OLFM2: variants seen among roughly 807,000 people sequenced by gnomAD.
OLFM2 encodes the protein noelin-2.
OLFM2 carries 20 observed loss-of-function variants against 43.9 expected under a neutral mutation model. The ratio of observed to expected loss-of-function variants is 0.46; its 90% confidence interval spans 0.32 to 0.66. The LOEUF (loss-of-function observed/expected upper bound fraction) is 0.66. Among genes scored for constraint, OLFM2 ranks in the 30% least tolerant of loss-of-function variants. The pLI is 0.04. For synonymous variants in OLFM2, 268 were observed against 278.6 expected, an observed-to-expected ratio of 0.96 and a Z score of 0.38; for missense variants, 416 against 643.6, an observed-to-expected ratio of 0.65 and a Z score of 3.83.
chr19:9,871,633 G>A (rs1170653896), intron 1 of OLFM2, among the ~76,000 whole-genome samples: 1 of 151,190 alleles, frequency 6.6e-6, no homozygotes, highest in Non-Finnish European at 1.5e-5. Context: ...GATGTAGCTG[G>A]AATTCGAACA....
At chr19:9,858,689 C>T (rs2046343209) in intron 2 of OLFM2, among the ~76,000 whole-genome samples, 1 of 152,222 alleles carries the variant, frequency 6.6e-6, no homozygotes, top group Non-Finnish European at 1.5e-5. Context: ...GCTCCCACCT[C>T]CACCTGGCTA....
intron 1 of OLFM2, among the ~76,000 whole-genome samples, chr19:9,895,667 G>A (rs533087555): frequency 5.0e-4 from 76 of 151,856 alleles, no homozygotes; most frequent in Admixed American, 9.2e-4. Context: ...ACCGAGTCTC[G>A]CTCTGTCGTC....
At chr19:9,902,822 C>T (rs961851358) in intron 1 of OLFM2, among the ~76,000 whole-genome samples, 3 of 152,090 alleles carry the variant, frequency 2.0e-5, no homozygotes, top group African/African-American at 7.2e-5. Flanking sequence ...TAAAGGCATG[C>T]ACCACCATGC....
At chr19:9,874,066 A>G (rs2046465367) in intron 1 of OLFM2, among the ~76,000 whole-genome samples, 1 of 152,152 alleles carries the variant, frequency 6.6e-6, no homozygotes, top group African/African-American at 2.4e-5. Flanking sequence ...TTACATAACC[A>G]TGATACACTT....
At chr19:9,921,141 G>A (rs1017100796) in intron 1 of OLFM2, among the ~76,000 whole-genome samples, 12 of 152,104 alleles carry the variant, frequency 7.9e-5, no homozygotes, top group South Asian at 2.1e-4. Flanking sequence ...TTGAGACAGG[G>A]TTTTGCCTAC....
At chr19:9,922,537 A>G (rs2145004100) in intron 1 of OLFM2, among the ~76,000 whole-genome samples, 1 of 152,218 alleles carries the variant, frequency 6.6e-6, no homozygotes, top group South Asian at 2.1e-4. Flanking sequence ...CCTAGGCAGC[A>G]TAACCAGACC....
chr19:9,900,052 A>G (rs2046718056), intron 1 of OLFM2, among the ~76,000 whole-genome samples: 1 of 152,140 alleles, frequency 6.6e-6, no homozygotes, highest in Non-Finnish European at 1.5e-5. Context: ...AAATGAGCGA[A>G]TCATGGCTTT....
At chr19:9,910,097 G>A (rs1599495360) in intron 1 of OLFM2, among the ~76,000 whole-genome samples, 1 of 152,122 alleles carries the variant, frequency 6.6e-6, no homozygotes, top group African/African-American at 2.4e-5. Context: ...AGCTTCTTAG[G>A]AGGCTAAGAC....
chr19:9,888,098 C>T (rs1035447), intron 1 of OLFM2, among the ~76,000 whole-genome samples: 4,439 of 152,252 alleles, frequency 0.029, 93 homozygotes, highest in Middle Eastern at 0.095. Context: ...TCACTCTGTT[C>T]CAGCCACACT....
intron 1 of OLFM2, among the ~76,000 whole-genome samples, chr19:9,891,506 T>A (rs2046639984): frequency 6.7e-6 from 1 of 150,198 alleles, no homozygotes; most frequent in Non-Finnish European, 1.5e-5. Context: ...GTGCCTGTAG[T>A]CCCAGCTACT....
intron 1 of OLFM2, among the ~76,000 whole-genome samples, chr19:9,905,641 A>AG (rs1491228896): frequency 6.6e-6 from 1 of 151,706 alleles, no homozygotes; most frequent in African/African-American, 2.4e-5. Flanking sequence ...AAAAAAAAAA[A>AG]AGTTGGAACT....
rs1047949878 is a variant in OLFM2, at chr19:9,856,561, G to C, written c.687+246C>G. On this transcript the variant is annotated intron_variant, in intron 5 of 5. Transcript: ENST00000264833. The surrounding 1 kb of genome is among the most constrained non-coding windows in gnomAD (Gnocchi z 4.0). ...GGACGTCAGTAGTCCCTGAGAACTGGTCAGTAGAACTCAGTAACCATTAGC... is the reference window on the plus strand; with the variant it reads ...GGACGTCAGTAGTCCCTGAGAACTGCTCAGTAGAACTCAGTAACCATTAGC... 3.9e-5 allele frequency among the ~76,000 whole-genome samples: 6 copies of C among 152,212 alleles called. No homozygotes were observed. Among genetic ancestry groups the C allele is most frequent in the African/African-American group, 7.2e-5 (3 of 41,452 alleles).
At chr19:9,924,640 T>A (rs529290581) in intron 1 of OLFM2, among the ~76,000 whole-genome samples, 1 of 151,948 alleles carries the variant, frequency 6.6e-6, no homozygotes, top group African/African-American at 2.4e-5. Flanking sequence ...TGATACTACA[T>A]GCAAGTGTCT....
chr19:9,900,962 G>GGAAGGAAA (rs1267486852), intron 1 of OLFM2, among the ~76,000 whole-genome samples: 2 of 38,254 alleles, frequency 5.2e-5, no homozygotes, highest in African/African-American at 4.5e-4. Context: ...AAGGAAGGAA[G>GGAAGGAAA]GAAGGAAGGA....
rs144946786 is a variant in OLFM2, at chr19:9,901,996, G to A, written c.63+34308C>T. On this transcript the variant is annotated intron_variant, in intron 1 of 5. Transcript: ENST00000264833. ...CTGTGTACAATTCGTGAGCCCACAA[G>A]TCAACCTGCGTAATCACTTTATATA... Among the ~76,000 whole-genome samples the A allele has an allele frequency of 6.7e-3, 1,021 of 152,116 alleles. 15 individuals carry two copies. Among genetic ancestry groups the A allele is most frequent in the African/African-American group, 0.024 (985 of 41,486 alleles).
chr19:9,886,752 T>G (rs2046591053), intron 1 of OLFM2, among the ~76,000 whole-genome samples: 2 of 151,994 alleles, frequency 1.3e-5, no homozygotes, highest in Non-Finnish European at 2.9e-5. Flanking sequence ...TTTTTAAATC[T>G]CAGCTCACTG....
chr19:9,931,604 G>A (rs2086482143), intron 1 of OLFM2, among the ~76,000 whole-genome samples: 1 of 151,660 alleles, frequency 6.6e-6, no homozygotes, highest in African/African-American at 2.4e-5. Context: ...GGGAGGCTGA[G>A]GCACTAGAAT....
chr19:9,865,983 T>G (rs1416977253), intron 1 of OLFM2, among the ~76,000 whole-genome samples: 1 of 152,148 alleles, frequency 6.6e-6, no homozygotes, highest in African/African-American at 2.4e-5. Flanking sequence ...TCTTCCTACA[T>G]TGCCTAGCGT....
chr19:9,916,582 G>A (rs532518843), intron 1 of OLFM2, among the ~76,000 whole-genome samples: 2 of 152,272 alleles, frequency 1.3e-5, no homozygotes, highest in South Asian at 4.2e-4. Flanking sequence ...AGGACTGTCT[G>A]ATTTCAGACC....
Sources: allele counts gnomAD v4.1 joint callset (sites outside exome capture counted in the v4.1 genomes callset), GRCh38; gene constraint gnomAD v4.1.1; non-coding constraint Gnocchi (gnomAD v3.1); transcripts MANE v1.5; gene names NCBI Gene and HGNC (gene_info 2026-07-23, HGNC 2026-07-21).